Variants in DPP6 observed in about 807,000 individuals in gnomAD.
The protein encoded by DPP6 is A-type potassium channel modulatory protein DPP6.
Under a neutral mutation model 122.6 loss-of-function variants are expected in DPP6, and 69 were observed. The observed-to-expected ratio is 0.56, with a 90% CI of 0.46 to 0.69. The LOEUF is 0.69. Ranked by LOEUF, DPP6 falls within the 30% of genes least tolerant of loss-of-function variation. The pLI, the probability that DPP6 is intolerant of heterozygous loss-of-function variation, is 0.00. For missense variants in DPP6, 928 were observed against 1,116.9 expected (o/e 0.83, Z 2.41); for synonymous variants, 418 against 433.1 (o/e 0.97, Z 0.43).
intron 3 of DPP6, among the ~76,000 whole-genome samples, chr7:154,521,365 TTG>T (rs1456331220): frequency 7.0e-6 from 1 of 143,082 alleles, no homozygotes; most frequent in Non-Finnish European, 1.6e-5. Context: ...TACAAATAAA[TTG>T]TTTTTTTTTT....
At chr7:153,760,247 A>T in the DPP6 span, among the ~76,000 whole-genome samples, 1 of 152,026 alleles carries the variant, frequency 6.6e-6, no homozygotes, top group Non-Finnish European at 1.5e-5. Context: ...CCTCTCTAGG[A>T]TTTCAATTTG....
At chr7:154,520,911 T>A (rs1214963382) in intron 3 of DPP6, among the ~76,000 whole-genome samples, 1 of 152,178 alleles carries the variant, frequency 6.6e-6, no homozygotes, top group African/African-American at 2.4e-5. Flanking sequence ...CTAATATAAG[T>A]AGCATGTACC....
the DPP6 span, among the ~76,000 whole-genome samples, chr7:153,846,670 C>T: frequency 6.8e-6 from 1 of 147,764 alleles, no homozygotes; most frequent in Non-Finnish European, 1.5e-5. Context: ...TGTTCTAGAG[C>T]TCAAGGTGGC....
chr7:154,382,807 C>T (rs1332042428), intron 1 of DPP6, among the ~76,000 whole-genome samples: 2 of 152,172 alleles, frequency 1.3e-5, no homozygotes, highest in Non-Finnish European at 2.9e-5. Context: ...TCTCAGCTCA[C>T]CTCTGCCTCC....
chr7:153,846,964 G>C, the DPP6 span, among the ~76,000 whole-genome samples: 1 of 152,090 alleles, frequency 6.6e-6, no homozygotes, highest in South Asian at 2.1e-4. Flanking sequence ...TGGAGTTACA[G>C]GCATGAGCCA....
Position 154,603,137 on chromosome 7 carries a change from T to C in DPP6, c.628-34684T>C, listed in dbSNP as rs958370482. 1.7e-5 allele frequency among the ~76,000 whole-genome samples: 2 copies of C among 120,212 alleles called. 1 individual carries two copies. The highest frequency in any genetic ancestry group is 7.2e-4 in the East Asian group (2 of 2,770). The allele number at this position is 120,212 out of a possible 152,430, so 78.9% of individuals were successfully genotyped here. A position where few individuals can be genotyped will look rare whatever the true frequency, so the allele number is the denominator to read the frequency against. On this transcript the variant is annotated intron_variant, in intron 5 of 25. Transcript: ENST00000377770. ...TTTTTTTCCTTTGTGTATATGTTTC[T>C]TTTCTCTCTTGACTCATTCAAGATT...
At chr7:154,358,343 A>C (rs1811446646) in intron 1 of DPP6, among the ~76,000 whole-genome samples, 1 of 152,244 alleles carries the variant, frequency 6.6e-6, no homozygotes, top group Admixed American at 6.5e-5. Context: ...GGACTTGATC[A>C]CATCTTTACA....
At chr7:154,694,834 A>G (rs1840128407) in intron 7 of DPP6, among the ~76,000 whole-genome samples, 3 of 152,020 alleles carry the variant, frequency 2.0e-5, no homozygotes, top group Admixed American at 2.0e-4. Flanking sequence ...GGTAAGCGGG[A>G]TGGTTGCTCA....
intron 5 of DPP6, among the ~76,000 whole-genome samples, chr7:154,607,437 T>C (rs1459419743): frequency 8.8e-6 from 1 of 114,232 alleles, no homozygotes; most frequent in Non-Finnish European, 1.9e-5. Flanking sequence ...GGCGGGCGCC[T>C]GTAGTCGCAG....
At chr7:154,722,737 C>T (rs913244239) in intron 7 of DPP6, among the ~76,000 whole-genome samples, 3 of 151,882 alleles carry the variant, frequency 2.0e-5, no homozygotes, top group Non-Finnish European at 4.4e-5. Flanking sequence ...GAAGGCCACA[C>T]GTAGGGAGGC....
chr7:154,835,011 T>C (rs1202759183), intron 16 of DPP6, among the ~76,000 whole-genome samples: 3 of 152,180 alleles, frequency 2.0e-5, no homozygotes, highest in Non-Finnish European at 4.4e-5. Flanking sequence ...CTTAGACGTA[T>C]AGGGTCAGTG....
intron 3 of DPP6, among the ~76,000 whole-genome samples, chr7:154,491,890 G>A (rs1824308647): frequency 6.6e-6 from 1 of 152,058 alleles, no homozygotes; most frequent in Non-Finnish European, 1.5e-5. Context: ...TTCCCTTCCA[G>A]CGTTAAGTTC....
rs575923448 is a variant in DPP6, at chr7:154,418,986, A to C, written c.244-27228A>C. 3.3e-4 allele frequency among the ~76,000 whole-genome samples: 50 copies of C among 152,360 alleles called. No homozygotes were observed. The South Asian group carries it at 0.01, about 32-fold the overall frequency. ...CTGTGTTTTAGGCAATTGTGAGTTA[A>C]TGGAAATGATATTAGCAATCATAGG... On this transcript the variant is annotated intron_variant, in intron 1 of 25. Coordinates refer to ENST00000377770, the MANE Select transcript of DPP6 (RefSeq NM_130797.4).
intron 3 of DPP6, among the ~76,000 whole-genome samples, chr7:154,528,103 G>A (rs1292679828): frequency 6.6e-6 from 1 of 152,026 alleles, no homozygotes; most frequent in Non-Finnish European, 1.5e-5. Context: ...AGGAAAATGA[G>A]ATGAGTGGCA....
At chr7:154,060,126 A>C (rs1801493684) in intron 1 of DPP6, among the ~76,000 whole-genome samples, 1 of 141,166 alleles carries the variant, frequency 7.1e-6, no homozygotes. Flanking sequence ...GGGACTGCAA[A>C]CCTCCACCTT....
At chr7:154,572,510 C>CTTT (rs77816407) in intron 5 of DPP6, among the ~76,000 whole-genome samples, 5 of 86,144 alleles carry the variant, frequency 5.8e-5, no homozygotes, top group South Asian at 3.9e-4. Flanking sequence ...TTTTTCTTTT[C>CTTT]TTTTTTTTTT....
chr7:153,829,021 C>T, the DPP6 span, among the ~76,000 whole-genome samples: 1 of 152,120 alleles, frequency 6.6e-6, no homozygotes, highest in Admixed American at 6.6e-5. Context: ...GGTACAGTTA[C>T]ACAGATACAT....
At chr7:154,418,013 A>G (rs1051785864) in intron 1 of DPP6, among the ~76,000 whole-genome samples, 2 of 152,250 alleles carry the variant, frequency 1.3e-5, no homozygotes, top group Non-Finnish European at 2.9e-5. Flanking sequence ...CCACCTGCTC[A>G]TAGCCTATAA....
chr7:154,214,467 GC>G (rs1256211191), intron 1 of DPP6, among the ~76,000 whole-genome samples: 1 of 152,196 alleles, frequency 6.6e-6, no homozygotes, highest in African/African-American at 2.4e-5. Context: ...TAAATAAACA[GC>G]CACTGTGATG....
Sources: allele counts gnomAD v4.1 joint callset (sites outside exome capture counted in the v4.1 genomes callset), GRCh38; gene constraint gnomAD v4.1.1; transcripts MANE v1.5; gene names NCBI Gene and HGNC (gene_info 2026-07-23, HGNC 2026-07-21).